The following TMEM91 variants were observed in gnomAD, a reference collection of about 807,000 sequenced individuals.
TMEM91 encodes the protein transmembrane protein 91, also known as dispanin subfamily C member 3.
In TMEM91, 6 loss-of-function variants were observed where a neutral mutation model predicts 13.3. The observed-to-expected ratio is 0.45, with a 90% CI of 0.25 to 0.89. TMEM91 has a LOEUF of 0.89. TMEM91 is among the 40% of genes least tolerant of loss of function. The pLI is 0.19. For synonymous variants in TMEM91, 87 were observed against 101.7 expected, an observed-to-expected ratio of 0.86 and a Z score of 0.87; for missense variants, 193 against 228.7, an observed-to-expected ratio of 0.84 and a Z score of 1.01.
At chr19:41,365,188 T>A (rs936535986) in intron 1 of TMEM91, among the ~76,000 whole-genome samples, 1 of 151,702 alleles carries the variant, frequency 6.6e-6, no homozygotes. Flanking sequence ...GCCAGGCCAA[T>A]AGATACAAAG....
At chr19:41,368,133 C>G (rs1252811738) in intron 1 of TMEM91, among the ~76,000 whole-genome samples, 2 of 152,018 alleles carry the variant, frequency 1.3e-5, no homozygotes, top group Non-Finnish European at 2.9e-5. Context: ...TTGGCCAGGC[C>G]TGGTGGTTCA....
chr19:41,369,506 T>TAAA (rs569474645), intron 1 of TMEM91, among the ~76,000 whole-genome samples: 4 of 123,314 alleles, frequency 3.2e-5, no homozygotes, highest in African/African-American at 9.6e-5. Context: ...ACTGCACCTC[T>TAAA]AAAAAAAAAA....
intron 2 of TMEM91, among the ~76,000 whole-genome samples, chr19:41,379,740 C>T (rs1387707712): frequency 6.6e-6 from 1 of 151,942 alleles, no homozygotes; most frequent in Non-Finnish European, 1.5e-5. Flanking sequence ...TGAACTCTTA[C>T]GGTTTCTGTT....
At chr19:41,375,635 A>C (rs1335021972), upstream of TMEM91, among the ~76,000 whole-genome samples, 2 of 149,890 alleles carry the variant, frequency 1.3e-5, no homozygotes, top group African/African-American at 4.9e-5. Context: ...ACACCCCTTC[A>C]GCACTCCTCC....
chr19:41,383,023 C>T, intron 3 of TMEM91, 102 bp downstream of exon 3: 1 of 1,483,680 alleles, frequency 6.7e-7, no homozygotes, highest in Non-Finnish European at 9.1e-7. Flanking sequence ...TGGAAGGTAG[C>T]CCAGAGAACC....
chr19:41,378,271 CT>C lies in TMEM91; in HGVS notation c.-29-9del. 6.3e-7 allele frequency: 1 copy of C among 1,590,438 alleles called. No individual in the cohort carries two copies. The highest frequency in any genetic ancestry group is 8.6e-7 in the Non-Finnish European group (1 of 1,163,130). On this transcript the variant is annotated splice_polypyrimidine_tract_variant and intron_variant, in intron 1 of 3. Coordinates refer to ENST00000392002, the MANE Select transcript of TMEM91 (RefSeq NM_001098821.2). ...TTTACAACTTGTCTTTTTCTTCCCCCTACCCCTAGGAAACCCCTCCTGGAGT... is the reference window on the plus strand; with the variant it reads ...TTTACAACTTGTCTTTTTCTTCCCCCACCCCTAGGAAACCCCTCCTGGAGT...
chr19:41,379,641 A>G (rs1476220669), intron 2 of TMEM91, among the ~76,000 whole-genome samples: 1 of 151,634 alleles, frequency 6.6e-6, no homozygotes, highest in Non-Finnish European at 1.5e-5. Context: ...GAAGGAAGAA[A>G]GAAGGAATGA....
chr19:41,366,286 AT>A (rs2038526794), intron 1 of TMEM91, among the ~76,000 whole-genome samples: 1 of 151,618 alleles, frequency 6.6e-6, no homozygotes, highest in South Asian at 2.1e-4. Flanking sequence ...CCAGCCTTGC[AT>A]TCTCTTTTCT....
upstream of TMEM91, among the ~76,000 whole-genome samples, chr19:41,373,528 C>T (rs2038656836): frequency 6.7e-6 from 1 of 148,776 alleles, no homozygotes; most frequent in Non-Finnish European, 1.5e-5. Flanking sequence ...GAGATCAAAT[C>T]TCAGCCCTTG....
upstream of TMEM91, among the ~76,000 whole-genome samples, chr19:41,372,004 G>A (rs2038632290): frequency 6.6e-6 from 1 of 151,710 alleles, no homozygotes; most frequent in Non-Finnish European, 1.5e-5. Context: ...GACTACAGGT[G>A]TGTGCCACCG....
chr19:41,383,474 T>C (rs2038939867), intron 3 of TMEM91: 1 of 1,365,920 alleles, frequency 7.3e-7, no homozygotes, highest in Non-Finnish European at 9.7e-7. Flanking sequence ...AATAGTGGCA[T>C]ATACCATTTT....
intron 1 of TMEM91, among the ~76,000 whole-genome samples, chr19:41,371,337 C>G (rs57634909): frequency 1.4e-5 from 2 of 146,250 alleles, no homozygotes; most frequent in African/African-American, 5.1e-5. Context: ...TTCCTTCCTT[C>G]CTTCCTTCCT....
upstream of TMEM91, chr19:41,374,059 C>G (rs2038666420): frequency 6.6e-6 from 1 of 152,266 alleles, no homozygotes; most frequent in African/African-American, 2.4e-5. Flanking sequence ...CTGAGTAAAA[C>G]AATCCTGCCC....
chr19:41,376,468 A>C (rs2038719762), upstream of TMEM91: 1 of 152,236 alleles, frequency 6.6e-6, no homozygotes, highest in African/African-American at 2.4e-5. Flanking sequence ...TATTGCGCAA[A>C]GGGGAAGGGA....
chr19:41,366,394 A>G (rs540451892), intron 1 of TMEM91, among the ~76,000 whole-genome samples: 1 of 151,936 alleles, frequency 6.6e-6, no homozygotes, highest in East Asian at 1.9e-4. Flanking sequence ...CTGCACCTTG[A>G]TCTGTCCAAG....
In TMEM91 at chr19:41,378,401, T is replaced by C; in HGVS notation, c.92T>C (p.Leu31Pro). 6.2e-7 allele frequency: 1 copy of C among 1,614,216 alleles called. No homozygotes were observed. The highest frequency in any genetic ancestry group is 8.5e-7 in the Non-Finnish European group (1 of 1,180,036). ...GCCCAGAAGCCTGGCAGGCATGAGC[T>C]GGGGTCCCCCTTAAGAGAGATAGCC... Reference protein sequence around the residue: ...TPAQKPGRHELGSPLREIAFA... With the variant: ...TPAQKPGRHEPGSPLREIAFA... Residue 31 changes from leucine to proline, a missense_variant, in exon 2 of 4, where the codon CTG becomes CCG. Physicochemically the swap from Leu to Pro is moderately conservative, Grantham distance 98. Coordinates refer to ENST00000392002, the MANE Select transcript of TMEM91 (RefSeq NM_001098821.2).
intron 2 of TMEM91, among the ~76,000 whole-genome samples, chr19:41,379,706 A>C (rs528348153): frequency 2.0e-5 from 3 of 152,016 alleles, no homozygotes; most frequent in South Asian, 2.1e-4. Flanking sequence ...GAAAGAAAGG[A>C]AGGCAGGCAG....
intron 1 of TMEM91, among the ~76,000 whole-genome samples, chr19:41,366,678 C>G (rs1464597632): frequency 6.6e-6 from 1 of 151,698 alleles, no homozygotes; most frequent in Non-Finnish European, 1.5e-5. Context: ...AGGCAGGTCT[C>G]AAACTCCTGA....
intron 1 of TMEM91, among the ~76,000 whole-genome samples, chr19:41,369,064 G>C (rs903430362): frequency 6.6e-6 from 1 of 152,256 alleles, no homozygotes. Flanking sequence ...ACAGTGAGCT[G>C]TGATTGTGCC....
Sources: gnomAD v4.1 joint callset for allele counts (sites outside exome capture counted in the v4.1 genomes callset) on GRCh38, gnomAD v4.1.1 for gene constraint, MANE v1.5 for transcripts, NCBI Gene and HGNC (gene_info 2026-07-23, HGNC 2026-07-21) for gene names.